Variants in CYB5B observed in about 807,000 individuals in gnomAD.
The protein encoded by CYB5B is cytochrome b5 type B.
CYB5B carries 14 observed loss-of-function variants against 21.3 expected under a neutral mutation model. The observed-to-expected ratio is 0.66, with a 90% CI of 0.43 to 1.03. The LOEUF (loss-of-function observed/expected upper bound fraction) is 1.03. Ranked by LOEUF, CYB5B falls within the 50% of genes least tolerant of loss-of-function variation. The probability of loss-of-function intolerance (pLI) is 0.00; values close to 1 mark genes in which losing one functional copy is unlikely to be tolerated. For missense variants in CYB5B, 166 were observed against 185.1 expected, an observed-to-expected ratio of 0.90 and a Z score of 0.60; for synonymous variants, 69 against 68.4, an observed-to-expected ratio of 1.01 and a Z score of -0.04.
chr16:69,453,448 T>G (rs982774677), intron 3 of CYB5B, among the ~76,000 whole-genome samples: 3 of 152,160 alleles, frequency 2.0e-5, no homozygotes, highest in Non-Finnish European at 1.5e-5. Context: ...ACTACCTAAT[T>G]TATTAAAGTT....
rs2014938103 is a variant in CYB5B at position 69,451,996 on chromosome 16, T to G, written c.333+3852T>G. 2.6e-5 allele frequency among the ~76,000 whole-genome samples: 4 copies of G among 151,018 alleles called. No homozygotes were observed. The South Asian group carries it at 8.3e-4, about 31-fold the overall frequency. On this transcript the variant is annotated intron_variant, in intron 3 of 4. Coordinates refer to ENST00000307892, the MANE Select transcript of CYB5B (RefSeq NM_030579.3). ...GTATATCCAGCTCTGAGACTTTTAG[T>G]TCCCCTTCCCTGGAGGTAACCAGCC... is the stretch of plus-strand genomic sequence containing the variant.
intron 4 of CYB5B, among the ~76,000 whole-genome samples, chr16:69,460,263 G>T (rs1357655599): frequency 6.6e-6 from 1 of 151,990 alleles, no homozygotes; most frequent in Non-Finnish European, 1.5e-5. Flanking sequence ...TTATGCTTAT[G>T]CTATAAAACT....
At chr16:69,436,257 T>A (rs554701762) in intron 1 of CYB5B, among the ~76,000 whole-genome samples, 148 of 152,316 alleles carry the variant, frequency 9.7e-4, no homozygotes, top group African/African-American at 3.5e-3. Context: ...GTTTATCTAG[T>A]CTGATGGAGA....
chr16:69,438,625 G>A (rs1392520066), intron 1 of CYB5B, among the ~76,000 whole-genome samples: 6 of 151,784 alleles, frequency 4.0e-5, no homozygotes, highest in Non-Finnish European at 5.9e-5. Flanking sequence ...TTTTGGTGTG[G>A]GGAGTCCCTT....
intron 3 of CYB5B, among the ~76,000 whole-genome samples, chr16:69,451,344 A>G (rs1398245851): frequency 6.6e-6 from 1 of 152,150 alleles, no homozygotes. Context: ...CAAGTAACCT[A>G]TAAATATTCG....
chr16:69,434,237 A>G (rs1456010453), intron 1 of CYB5B, among the ~76,000 whole-genome samples: 2 of 152,194 alleles, frequency 1.3e-5, no homozygotes, highest in Non-Finnish European at 2.9e-5. Context: ...CATTGTGTGA[A>G]CATACCAAAA....
intron 1 of CYB5B, among the ~76,000 whole-genome samples, chr16:69,444,744 A>G (rs2014860697): frequency 6.6e-6 from 1 of 152,036 alleles, no homozygotes; most frequent in Non-Finnish European, 1.5e-5. Context: ...ACTTTTATTT[A>G]TCACTGCCTA....
At chr16:69,437,666 G>A (rs1465884165) in intron 1 of CYB5B, among the ~76,000 whole-genome samples, 13 of 152,070 alleles carry the variant, frequency 8.5e-5, no homozygotes, top group South Asian at 2.1e-4. Context: ...ATTCAGTGGC[G>A]TTAATTACGT....
chr16:69,437,846 A>G (rs2014776969), intron 1 of CYB5B, among the ~76,000 whole-genome samples: 5 of 152,194 alleles, frequency 3.3e-5, no homozygotes, highest in Admixed American at 3.3e-4. Flanking sequence ...TAGGTACCCC[A>G]TATAAATGGA....
chr16:69,436,527 G>A (rs1006811225), intron 1 of CYB5B, among the ~76,000 whole-genome samples: 4 of 152,122 alleles, frequency 2.6e-5, no homozygotes, highest in African/African-American at 9.7e-5. Context: ...GACCTGCACC[G>A]TTTCCTCCTG....
intron 3 of CYB5B, 86 bp from the exon 4 acceptor site, chr16:69,459,007 G>A: frequency 7.7e-7 from 1 of 1,293,612 alleles, no homozygotes; most frequent in African/African-American, 1.5e-5. Flanking sequence ...GGTTGACATA[G>A]CTTGATCAAG....
At chr16:69,446,336 T>C (rs77634672) in intron 1 of CYB5B, among the ~76,000 whole-genome samples, 4,311 of 152,284 alleles carry the variant, frequency 0.028, 89 homozygotes, top group East Asian at 0.063. Context: ...TTTATTCATT[T>C]ATTTTGAGTC....
At position 69,462,624 on chromosome 16, in the gene CYB5B, T is replaced by C; in HGVS notation, c.*104T>C. ...CTCTCCTCGAATCCTGCCAGTTGCA[T>C]TCTTCCCCCTTGGAGCCAAGACGAT... On this transcript the variant is annotated 3_prime_UTR_variant, in exon 5 of 5. Transcript: ENST00000307892. The C allele has an allele frequency of 1.1e-6, 1 of 912,350 alleles. No homozygotes were observed. Among genetic ancestry groups the C allele is most frequent in the Non-Finnish European group, 1.8e-6 (1 of 569,786 alleles). The allele number at this position is 912,350 out of a possible 1,614,324, so 56.5% of individuals were successfully genotyped here. A position where few individuals can be genotyped will look rare whatever the true frequency, so the allele number is the denominator to read the frequency against.
chr16:69,440,826 A>AT (rs71151107), intron 1 of CYB5B, among the ~76,000 whole-genome samples: 14,432 of 133,718 alleles, frequency 0.11, 757 homozygotes, highest in South Asian at 0.21. Flanking sequence ...ATCTCATTTG[A>AT]TTTTTTTTTT....
intron 4 of CYB5B, 97 bp downstream of exon 4, chr16:69,459,218 G>A: frequency 7.0e-7 from 1 of 1,419,398 alleles, no homozygotes; most frequent in Non-Finnish European, 9.5e-7. Context: ...TATGAGTGCA[G>A]TTTGACAACT....
chr16:69,435,269 A>G (rs539944417), intron 1 of CYB5B, among the ~76,000 whole-genome samples: 8 of 152,358 alleles, frequency 5.3e-5, no homozygotes, highest in African/African-American at 1.9e-4. Flanking sequence ...ATTATGGCAT[A>G]CTACCTGGCT....
chr16:69,437,384 T>A (rs1391409622), intron 1 of CYB5B, among the ~76,000 whole-genome samples: 2 of 152,002 alleles, frequency 1.3e-5, no homozygotes, highest in African/African-American at 2.4e-5. Flanking sequence ...TAGAAAAAAA[T>A]GGGAAATATC....
At chr16:69,462,329 T>C (rs1187044389) in intron 4 of CYB5B, 101 bp from the exon 5 acceptor site, 1 of 915,552 alleles carries the variant, frequency 1.1e-6, no homozygotes, top group Admixed American at 2.2e-5. Flanking sequence ...CCAAAGTAAA[T>C]AAAAACTCCT....
chr16:69,448,138 T>C lies in CYB5B; in HGVS notation c.327T>C (p.Gly109=). 1 of 1,613,118 alleles carries C rather than the reference T, an allele frequency of 6.2e-7. No homozygotes were observed. The highest frequency in any genetic ancestry group is 8.5e-7 in the Non-Finnish European group (1 of 1,179,768). Reference sequence around the variant, plus strand: ...AGAGTGACCTTAAACCTGAAAGTGGTAGCAAGGTAAGAAGTCAGCGGTTTG... The same window carrying C: ...AGAGTGACCTTAAACCTGAAAGTGGCAGCAAGGTAAGAAGTCAGCGGTTTG... ...IHPSDLKPES[G]SKDPSKNDTC... is the part of the protein sequence containing the mutation. The change falls in exon 3 of 5, where the codon GGT becomes GGC. Residue 109 remains glycine, a synonymous_variant. Coordinates refer to ENST00000307892, the MANE Select transcript of CYB5B (RefSeq NM_030579.3).
Sources: allele counts gnomAD v4.1 joint callset (sites outside exome capture counted in the v4.1 genomes callset), GRCh38; gene constraint gnomAD v4.1.1; transcripts MANE v1.5; gene names NCBI Gene and HGNC (gene_info 2026-07-23, HGNC 2026-07-21).